Variants in CNKSR2 observed in about 807,000 individuals in gnomAD.
The protein encoded by CNKSR2 is CNK homolog protein 2.
CNKSR2 carries 14 observed loss-of-function variants against 84.4 expected under a neutral mutation model. The observed-to-expected ratio is 0.17, with a 90% confidence interval of 0.11 to 0.26. The LOEUF (loss-of-function observed/expected upper bound fraction) is 0.26. CNKSR2 is among the 10% of genes least tolerant of loss of function. The probability of loss-of-function intolerance (pLI) is 1.00; values close to 1 mark genes in which losing one functional copy is unlikely to be tolerated. For missense variants in CNKSR2, 485 were observed against 771.2 expected (o/e 0.63, Z 4.40); for synonymous variants, 275 against 277.9 (o/e 0.99, Z 0.10).
At chrX:21,415,365 A>G (rs1285435466) in intron 1 of CNKSR2, among the ~76,000 whole-genome samples, 2 of 110,379 alleles carry the variant, frequency 1.8e-5, no homozygotes, top group Admixed American at 9.7e-5. Flanking sequence ...GACTGTTGGC[A>G]TGTAGAAATG....
chrX:21,477,747 A>C (rs2091274852), intron 5 of CNKSR2, among the ~76,000 whole-genome samples: 1 of 111,957 alleles, frequency 8.9e-6, no homozygotes, highest in African/African-American at 3.2e-5. Flanking sequence ...CTGATGGATC[A>C]AAACCTTGAG....
intron 5 of CNKSR2, among the ~76,000 whole-genome samples, chrX:21,476,107 G>A (rs2091258165): frequency 9.0e-6 from 1 of 110,808 alleles, no homozygotes; most frequent in South Asian, 3.8e-4. Context: ...AAAAGAATGG[G>A]TAAGAGGAGA....
intron 20 of CNKSR2, chrX:21,643,360 C>T (rs2092697594): frequency 8.9e-6 from 1 of 111,810 alleles, no homozygotes; most frequent in Non-Finnish European, 1.9e-5. Flanking sequence ...AATTCAACCA[C>T]TGTCATGTAT....
chrX:21,515,284 C>T (rs914907127), intron 8 of CNKSR2, among the ~76,000 whole-genome samples: 1 of 111,228 alleles, frequency 9.0e-6, no homozygotes, highest in Non-Finnish European at 1.9e-5. Context: ...GCCTAGGGGT[C>T]TGTGCTGCTT....
chrX:21,405,116 A>G lies in CNKSR2; in HGVS notation c.65-21381A>G, dbSNP rs184783960. 4.0e-4 allele frequency among the ~76,000 whole-genome samples: 45 copies of G among 111,341 alleles called. No homozygotes were observed. The Admixed American group carries it at 4.2e-3, about 10-fold the overall frequency. ...TCACCCCCATGTTTTACTTTTTCAA[A>G]TATTTCTTGATTACTGCCCATTTTT... On this transcript the variant is annotated intron_variant, in intron 1 of 21. Coordinates refer to ENST00000379510, the MANE Select transcript of CNKSR2 (RefSeq NM_014927.5).
intron 13 of CNKSR2, among the ~76,000 whole-genome samples, chrX:21,567,987 T>A (rs1386645087): frequency 1.8e-5 from 2 of 112,192 alleles, no homozygotes; most frequent in African/African-American, 6.5e-5. Flanking sequence ...ACTAAATTCA[T>A]ATACAAAATA....
At chrX:21,479,587 T>C (rs1227610500) in intron 5 of CNKSR2, among the ~76,000 whole-genome samples, 1 of 111,133 alleles carries the variant, frequency 9.0e-6, no homozygotes, top group Admixed American at 9.7e-5. Context: ...TTATAAATTA[T>C]GATAAGAAAT....
intron 20 of CNKSR2, among the ~76,000 whole-genome samples, chrX:21,614,090 T>C (rs1172513215): frequency 9.0e-6 from 1 of 111,718 alleles, no homozygotes; most frequent in East Asian, 2.8e-4. Flanking sequence ...TGCCACTCAG[T>C]AGCCTAAAAT....
intron 3 of CNKSR2, among the ~76,000 whole-genome samples, chrX:21,438,375 G>A (rs773622371): frequency 1.8e-5 from 2 of 111,724 alleles, no homozygotes; most frequent in East Asian, 2.8e-4. Context: ...TGACCAAAAC[G>A]TCATTTTATG....
In CNKSR2 at chrX:21,516,521, C is replaced by T. The variant is rs2147096420; in HGVS notation, c.847C>T (p.Arg283Ter). 8.3e-7 allele frequency: 1 copy of T among 1,208,273 alleles called. No individual in the cohort carries two copies. The highest frequency in any genetic ancestry group is 1.1e-6 in the Non-Finnish European group (1 of 893,739). The stretch of plus-strand genomic sequence containing the variant: ...GTTGAAAAATTTGGTGAATGCACTA[C>T]GAGAGGACCCGAGTGGTGTTATCTT... ...WQLKNLVNAL[R>*]EDPSGVILTL... is the part of the protein sequence containing the mutation. The change falls in exon 9 of 22, where the codon CGA (arginine) becomes TGA (stop). Residue 283 changes from arginine (R) to a stop codon, truncating the protein, a stop_gained. Coordinates refer to ENST00000379510, the MANE Select transcript of CNKSR2 (RefSeq NM_014927.5). LOFTEE classifies it high-confidence loss of function.
chrX:21,591,382 T>C (rs2147250635), intron 15 of CNKSR2, 188 bp downstream of exon 15: 1 of 307,678 alleles, frequency 3.3e-6, no homozygotes, highest in Non-Finnish European at 5.7e-6. Flanking sequence ...GCTGTCTCAA[T>C]TATGCTAATG....
At chrX:21,455,491 T>C (rs1387935335) in intron 4 of CNKSR2, among the ~76,000 whole-genome samples, 2 of 112,232 alleles carry the variant, frequency 1.8e-5, no homozygotes, top group Non-Finnish European at 3.8e-5. Context: ...TAAATGAAAC[T>C]TTTATACCCA....
intron 20 of CNKSR2, among the ~76,000 whole-genome samples, chrX:21,630,041 AT>A (rs976545039): frequency 1.8e-5 from 2 of 111,980 alleles, no homozygotes; most frequent in African/African-American, 6.5e-5. Flanking sequence ...GAATGACTGA[AT>A]TATATTTATT....
At position 21,606,794 on chromosome X, in the gene CNKSR2, G is replaced by C. The variant is rs754789742; in HGVS notation, c.2060G>C (p.Ser687Thr). Reference sequence around the variant, plus strand: ...GAATTTTCAGATTACTGGAGTGAGAGTGACAAGGAAGAAGCAGATACTCCA... The same window carrying C: ...GAATTTTCAGATTACTGGAGTGAGACTGACAAGGAAGAAGCAGATACTCCA... ...IKQEQDYWSE[S>T]DKEEADTPST... The change falls in exon 19 of 22, where the codon AGT becomes ACT. Residue 687 changes from serine to threonine, a missense_variant. Physicochemically the swap from Ser to Thr is moderately conservative, Grantham distance 58. This residue lies in a region of CNKSR2 where 210 missense variants were observed against 291.5 expected (regional missense o/e 0.72). Coordinates refer to ENST00000379510, the MANE Select transcript of CNKSR2 (RefSeq NM_014927.5). The C allele has an allele frequency of 1.7e-6, 2 of 1,189,687 alleles. No homozygotes were observed.
At chrX:21,503,614 A>G (rs183246363) in intron 8 of CNKSR2, 1 of 156,712 alleles carries the variant, frequency 6.4e-6, no homozygotes, top group East Asian at 1.3e-4. Context: ...TTATATAACT[A>G]TCCAACAAAA....
At chrX:21,489,103 G>A (rs1159090872) in intron 5 of CNKSR2, among the ~76,000 whole-genome samples, 6 of 111,332 alleles carry the variant, frequency 5.4e-5, no homozygotes, top group Non-Finnish European at 1.9e-5. Context: ...TTCTAACCTG[G>A]AAGCCCCCAC....
intron 1 of CNKSR2, among the ~76,000 whole-genome samples, chrX:21,379,900 A>G (rs933243351): frequency 8.9e-6 from 1 of 111,737 alleles, no homozygotes; most frequent in Non-Finnish European, 1.9e-5. Context: ...TCTAGCAACT[A>G]TTTAAGCTAC....
chrX:21,514,118 C>T (rs1253149155), intron 8 of CNKSR2, among the ~76,000 whole-genome samples: 3 of 111,693 alleles, frequency 2.7e-5, no homozygotes, highest in East Asian at 5.7e-4. Flanking sequence ...TTGGAACTTA[C>T]TTTTTTCACA....
intron 6 of CNKSR2, 139 bp downstream of exon 6, chrX:21,490,717 T>C: frequency 1.7e-6 from 1 of 578,823 alleles, no homozygotes. Flanking sequence ...GGAGGAGTTA[T>C]GGTAGTGGAA....
Sources: allele counts gnomAD v4.1 joint callset (sites outside exome capture counted in the v4.1 genomes callset), GRCh38; gene constraint gnomAD v4.1.1; regional missense constraint gnomAD v4.1.1; transcripts MANE v1.5; gene names NCBI Gene and HGNC (gene_info 2026-07-23, HGNC 2026-07-21).